Variants in DOHH observed in about 807,000 individuals in gnomAD.
DOHH encodes deoxyhypusine hydroxylase, also known as HEAT-like (PBS lyase) repeat containing 1.
DOHH carries 16 observed loss-of-function variants against 19.9 expected under a neutral mutation model. The ratio of observed to expected loss-of-function variants is 0.80; its 90% CI spans 0.54 to 1.22. The LOEUF (loss-of-function observed/expected upper bound fraction) is 1.22, where lower values mean the gene tolerates loss of function less well. DOHH is among the 50% of genes most tolerant of loss of function. DOHH has a pLI of 0.00. For synonymous variants in DOHH, 233 were observed against 217.0 expected (o/e 1.07, Z -0.65); for missense variants, 460 against 460.6 (o/e 1.00, Z 0.01).
rs1288368836 is a variant in DOHH at position 3,494,124 on chromosome 19, G to A, written c.275-20C>T. 2 of 1,610,442 alleles carry A rather than the reference G, an allele frequency of 1.2e-6. No homozygotes were observed. The highest frequency in any genetic ancestry group is 8.5e-7 in the Non-Finnish European group (1 of 1,177,200). ...CCTCCCCTGGGAAGAAGCAGCCGGAGAGCTCATGTTGGTGGGGTGGATGTG... is the reference window on the plus strand; with the variant it reads ...CCTCCCCTGGGAAGAAGCAGCCGGAAAGCTCATGTTGGTGGGGTGGATGTG... On this transcript the variant is annotated intron_variant, in intron 2 of 4. Coordinates refer to ENST00000427575, the MANE Select transcript of DOHH (RefSeq NM_001145165.2).
Position 3,496,999 on chromosome 19 carries a change from G to A in DOHH, c.-72-113C>T, listed in dbSNP as rs1392833520. ...CCCACTGACCAACCTGAGCATCTAC[G>A]CTGAAAGCTCAGCTCCAACCTCCCT... On this transcript the variant is annotated intron_variant, in intron 1 of 4. Transcript: ENST00000427575. The surrounding 1 kb of genome is among the most constrained non-coding windows in gnomAD (Gnocchi z 4.8). 9 of 697,974 alleles carry A rather than the reference G, an allele frequency of 1.3e-5. No homozygotes were observed. The highest frequency in any genetic ancestry group is 5.4e-5 in the South Asian group (1 of 18,614). 43.2% of individuals were successfully genotyped at this position (697,974 alleles called of 1,614,324 possible).
At position 3,491,227 on chromosome 19, in the gene DOHH, A is replaced by G. The variant is rs2082866991; in HGVS notation, c.*265T>C. On this transcript the variant is annotated 3_prime_UTR_variant, in exon 5 of 5. Coordinates refer to ENST00000427575, the MANE Select transcript of DOHH (RefSeq NM_001145165.2). This position sits in a 1 kb window ranked among gnomAD's most constrained non-coding sequence, Gnocchi z 5.6. ...CCCTGTCCTGAGCCGGGCATCCCAG[A>G]GCCTCCCGCAGAGTCCCACCCCAAG... 1.7e-5 allele frequency: 9 copies of G among 538,308 alleles called. No individual in the cohort carries two copies. Among genetic ancestry groups the G allele is most frequent in the Non-Finnish European group, 2.9e-5 (9 of 309,258 alleles). The allele number at this position is 538,308 out of a possible 1,614,324, so 33.3% of individuals were successfully genotyped here. A position where few individuals can be genotyped will look rare whatever the true frequency, so the allele number is the denominator to read the frequency against.
In DOHH at chr19:3,496,662, G is replaced by A. The variant is rs376432012; in HGVS notation, c.153C>T (p.Ser51=). ...AWISQAFDDD[S]ALLKHELAYC... ...AGGCCAGCTCGTGCTTGAGCAGGGC[G>A]GAATCGTCATCGAAGGCCTGGCTGA... The change falls in exon 2 of 5, where the codon TCC becomes TCT. Residue 51 remains serine, a synonymous_variant. Transcript: ENST00000427575. This position sits in a 1 kb window ranked among gnomAD's most constrained non-coding sequence, Gnocchi z 4.8. 1.1e-4 allele frequency: 171 copies of A among 1,613,994 alleles called. 1 individual carries two copies. The Middle Eastern group carries it at 1.5e-3, about 14-fold the overall frequency.
rs1476782612 is a variant in DOHH at position 3,491,458 on chromosome 19, G to C, written c.*34C>G. The C allele has an allele frequency of 1.6e-5, 24 of 1,518,386 alleles. No individual in the cohort carries two copies. Among genetic ancestry groups the C allele is most frequent in the Non-Finnish European group, 2.1e-5 (24 of 1,140,794 alleles). The allele number at this position is 1,518,386 out of a possible 1,614,324, so 94.1% of individuals were successfully genotyped here. A position where few individuals can be genotyped will look rare whatever the true frequency, so the allele number is the denominator to read the frequency against. On this transcript the variant is annotated 3_prime_UTR_variant, in exon 5 of 5. Coordinates refer to ENST00000427575, the MANE Select transcript of DOHH (RefSeq NM_001145165.2). The surrounding 1 kb of genome is among the most constrained non-coding windows in gnomAD (Gnocchi z 5.6). ...TCTGCGGGGGAGGAGCGGCCCTCAA[G>C]AGTCCTCCGGGAGCTCCGGGTGAGG...
Position 3,496,873 on chromosome 19 carries a change from G to A in DOHH, c.-59C>T, listed in dbSNP as rs80268021. 1.5e-3 allele frequency: 2,113 copies of A among 1,411,052 alleles called. 26 individuals carry two copies. In the African/African-American group the frequency reaches 0.026, roughly 17 times the overall value. The allele number at this position is 1,411,052 out of a possible 1,614,324, so 87.4% of individuals were successfully genotyped here. On this transcript the variant is annotated 5_prime_UTR_variant, in exon 2 of 5. Coordinates refer to ENST00000427575, the MANE Select transcript of DOHH (RefSeq NM_001145165.2). This position sits in a 1 kb window ranked among gnomAD's most constrained non-coding sequence, Gnocchi z 4.8. ...CTGCTCAGGCTAAACCTGGGGACGC[G>A]GGGATGTAAGAACCTGTGGCAGAAA...
At chr19:3,499,225 C>T (rs1485367111) in intron 1 of DOHH, among the ~76,000 whole-genome samples, 5 of 152,242 alleles carry the variant, frequency 3.3e-5, no homozygotes, top group Admixed American at 3.3e-4. Flanking sequence ...TCCAACATCA[C>T]TTCCTCATGG....
At chr19:3,497,030 C>T (rs1264428382) in intron 1 of DOHH, 144 bp from the exon 2 acceptor site, 15 of 500,518 alleles carry the variant, frequency 3.0e-5, no homozygotes, top group Non-Finnish European at 4.8e-5. Flanking sequence ...TCCCTACTAG[C>T]TGTGCAGCCT....
intron 4 of DOHH, 123 bp downstream of exon 4, chr19:3,492,139 T>C (rs975679182): frequency 4.2e-6 from 4 of 943,410 alleles, no homozygotes; most frequent in Non-Finnish European, 5.9e-6. Context: ...CCATGGGAAA[T>C]GCTTGGGGCC....
Position 3,496,902 on chromosome 19 carries a change from G to A in DOHH, c.-72-16C>T. 7.2e-7 allele frequency: 1 copy of A among 1,381,742 alleles called. No homozygotes were observed. The highest frequency in any genetic ancestry group is 9.4e-7 in the Non-Finnish European group (1 of 1,062,756). 85.6% of individuals were successfully genotyped at this position (1,381,742 alleles called of 1,614,324 possible). On this transcript the variant is annotated splice_polypyrimidine_tract_variant and intron_variant, in intron 1 of 4. Coordinates refer to ENST00000427575, the MANE Select transcript of DOHH (RefSeq NM_001145165.2). The surrounding 1 kb of genome is among the most constrained non-coding windows in gnomAD (Gnocchi z 4.8). ...ATGTAAGAACCTGTGGCAGAAAAAT[G>A]AGAGCCCAGGTTAGAAGCCCCCTTC...
At chr19:3,498,711 G>A (rs1487455814) in intron 1 of DOHH, among the ~76,000 whole-genome samples, 1 of 151,962 alleles carries the variant, frequency 6.6e-6, no homozygotes, top group Non-Finnish European at 1.5e-5. Flanking sequence ...AGCCAATAAC[G>A]AAGGAATTCT....
intron 2 of DOHH, among the ~76,000 whole-genome samples, chr19:3,495,518 G>A (rs2082901952): frequency 6.6e-6 from 1 of 152,236 alleles, no homozygotes; most frequent in Non-Finnish European, 1.5e-5. Flanking sequence ...CTAAATGTGT[G>A]TCCAATGAGT....
intron 3 of DOHH, among the ~76,000 whole-genome samples, chr19:3,493,396 T>C (rs1599759017): frequency 6.6e-6 from 1 of 152,102 alleles, no homozygotes; most frequent in African/African-American, 2.4e-5. Flanking sequence ...GATCACGAGG[T>C]CAGGAGATCG....
intron 2 of DOHH, among the ~76,000 whole-genome samples, chr19:3,494,803 C>G (rs1426242743): frequency 1.3e-5 from 2 of 152,214 alleles, no homozygotes; most frequent in Non-Finnish European, 2.9e-5. Context: ...TGGCAGGCTC[C>G]CTCTGCCGGG....
In DOHH at chr19:3,491,528, C is replaced by G; in HGVS notation, c.873G>C (p.Ala291=). 2.6e-6 allele frequency: 4 copies of G among 1,535,478 alleles called. No individual in the cohort carries two copies. Among genetic ancestry groups the G allele is most frequent in the Non-Finnish European group, 3.5e-6 (4 of 1,146,662 alleles). Residue 291 remains alanine, a synonymous_variant, in exon 5 of 5, where the codon GCG becomes GCC. Transcript: ENST00000427575. This position sits in a 1 kb window ranked among gnomAD's most constrained non-coding sequence, Gnocchi z 5.6. ...CCCCGCGCAGCTGCTCCAGGCCGTC[C>G]GCGTACTGGAAGGCCCGCCCGGTCT... The part of the protein sequence containing the change: ...EHETGRAFQY[A]DGLEQLRGAP...
rs546069234 is a variant in DOHH, at chr19:3,491,867, T to C, written c.590-56A>G. On this transcript the variant is annotated intron_variant, in intron 4 of 4. Transcript: ENST00000427575. The surrounding 1 kb of genome is among the most constrained non-coding windows in gnomAD (Gnocchi z 5.6). ...AGGAGGGGTGGGAAGGGGAGCTCTGTCTTTTCGAAGACATGGGGTCTTGCT... is the reference window on the plus strand; with the variant it reads ...AGGAGGGGTGGGAAGGGGAGCTCTGCCTTTTCGAAGACATGGGGTCTTGCT... 35 of 1,392,924 alleles carry C rather than the reference T, an allele frequency of 2.5e-5. No individual in the cohort carries two copies. In the East Asian group the frequency reaches 4.2e-4, roughly 17 times the overall value. The allele number at this position is 1,392,924 out of a possible 1,614,324, so 86.3% of individuals were successfully genotyped here.
chr19:3,491,471 G>A lies in DOHH; in HGVS notation c.*21C>T. 1 of 1,525,490 alleles carries A rather than the reference G, an allele frequency of 6.6e-7. No individual in the cohort carries two copies. Among genetic ancestry groups the A allele is most frequent in the Non-Finnish European group, 8.7e-7 (1 of 1,143,718 alleles). 94.5% of individuals were successfully genotyped at this position (1,525,490 alleles called of 1,614,324 possible). On this transcript the variant is annotated 3_prime_UTR_variant, in exon 5 of 5. Transcript: ENST00000427575. This position sits in a 1 kb window ranked among gnomAD's most constrained non-coding sequence, Gnocchi z 5.6. ...AGCGGCCCTCAAGAGTCCTCCGGGA[G>A]CTCCGGGTGAGGGTGGGGCCCTAGG...
In DOHH at chr19:3,491,641, A is replaced by G. The variant is rs755424714; in HGVS notation, c.760T>C (p.Cys254Arg). ...EALGAIARPA[C>R]LAALQAHADD... ...GCGTGAGCCTGCAGCGCGGCCAGGC[A>G]GGCGGGCCGGGCAATGGCGCCCAGG... is the stretch of plus-strand genomic sequence containing the variant. Residue 254 changes from cysteine (C) to arginine (R), a missense_variant, in exon 5 of 5, where the codon TGC becomes CGC. Transcript: ENST00000427575. This position sits in a 1 kb window ranked among gnomAD's most constrained non-coding sequence, Gnocchi z 5.6. 1 of 1,534,966 alleles carries G rather than the reference A, an allele frequency of 6.5e-7. No homozygotes were observed. Among genetic ancestry groups the G allele is most frequent in the Non-Finnish European group, 8.7e-7 (1 of 1,145,158 alleles).
chr19:3,493,433 C>A (rs1380582206), intron 3 of DOHH, among the ~76,000 whole-genome samples: 1 of 152,120 alleles, frequency 6.6e-6, no homozygotes, highest in East Asian at 1.9e-4. Context: ...CATGGTGAAA[C>A]CCCGTCTCTA....
In DOHH at chr19:3,491,279, G is replaced by C; in HGVS notation, c.*213C>G. 1.6e-6 allele frequency: 1 copy of C among 606,226 alleles called. No individual in the cohort carries two copies. The highest frequency in any genetic ancestry group is 2.1e-5 in the South Asian group (1 of 48,214). The allele number at this position is 606,226 out of a possible 1,614,324, so 37.6% of individuals were successfully genotyped here. On this transcript the variant is annotated 3_prime_UTR_variant, in exon 5 of 5. Transcript: ENST00000427575. The surrounding 1 kb of genome is among the most constrained non-coding windows in gnomAD (Gnocchi z 5.6). The stretch of plus-strand genomic sequence containing the variant: ...CTGGAAACTTCCACGCTACAGCCCT[G>C]CGCCAGGCCCCGAGGAGCAGTCAGG...
Sources: gnomAD v4.1 joint callset for allele counts (sites outside exome capture counted in the v4.1 genomes callset) on GRCh38, gnomAD v4.1.1 for gene constraint, Gnocchi (gnomAD v3.1) non-coding constraint, MANE v1.5 for transcripts, NCBI Gene and HGNC (gene_info 2026-07-23, HGNC 2026-07-21) for gene names.